YTHDF1: variants seen among roughly 807,000 people sequenced by gnomAD.
The protein encoded by YTHDF1 is YTH N6-methyladenosine RNA binding protein F1.
Under a neutral mutation model 49.1 loss-of-function variants are expected in YTHDF1, and 16 were observed. The observed-to-expected ratio is 0.33, with a 90% CI of 0.22 to 0.49. The LOEUF is 0.49. YTHDF1 is among the 20% of genes least tolerant of loss of function. The probability of loss-of-function intolerance (pLI) is 0.99; values close to 1 mark genes in which losing one functional copy is unlikely to be tolerated. For missense variants in YTHDF1, 621 were observed against 744.3 expected (o/e 0.83, Z 1.93); for synonymous variants, 313 against 290.1 (o/e 1.08, Z -0.80).
At position 63,215,586 on chromosome 20, in the gene YTHDF1, C is replaced by T. The variant is rs2066597887; in HGVS notation, c.43G>A (p.Asp15Asn). The T allele has an allele frequency of 9.3e-6, 15 of 1,612,896 alleles. No homozygotes were observed. Among genetic ancestry groups the T allele is most frequent in the Non-Finnish European group, 1.2e-5 (14 of 1,179,456 alleles). ...SVDTQRTKGQDNKVQNGSLHQ... is the reference protein window; with the variant it reads ...SVDTQRTKGQNNKVQNGSLHQ... ...CCGGGACTCCGCTCACCTTTATTATCTTGTCCTTTTGTTCTCTGCACCGCC... is the reference window on the plus strand; with the variant it reads ...CCGGGACTCCGCTCACCTTTATTATTTTGTCCTTTTGTTCTCTGCACCGCC... Residue 15 changes from aspartate (D) to asparagine (N), a missense_variant, in exon 2 of 5, where the codon GAT becomes AAT. Physicochemically the swap from Asp to Asn is conservative, Grantham distance 23. Transcript: ENST00000370339.
At chr20:63,206,001 T>TG (rs1202857288) in intron 3 of YTHDF1, among the ~76,000 whole-genome samples, 1 of 148,398 alleles carries the variant, frequency 6.7e-6, no homozygotes, top group Non-Finnish European at 1.5e-5. Context: ...GGTGCTGCCC[T>TG]GGCCAACAGG....
chr20:63,215,841 G>C, intron 1 of YTHDF1, 25 bp downstream of exon 1: 1 of 1,457,242 alleles, frequency 6.9e-7, no homozygotes. Flanking sequence ...CCCCGGCCGC[G>C]GCCCCTGTAA....
At chr20:63,211,481 G>A (rs1177580861) in intron 3 of YTHDF1, among the ~76,000 whole-genome samples, 1 of 152,092 alleles carries the variant, frequency 6.6e-6, no homozygotes, top group African/African-American at 2.4e-5. Context: ...AAAGGACCCA[G>A]AGCTATTGAT....
At chr20:63,213,788 A>T in intron 3 of YTHDF1, 76 bp downstream of exon 3, 1 of 1,330,156 alleles carries the variant, frequency 7.5e-7, no homozygotes, top group Admixed American at 2.2e-5. Context: ...TAATTTAAAA[A>T]TCAGAAATGA....
chr20:63,211,979 ACACACACAC>A (rs2066576663), intron 3 of YTHDF1, among the ~76,000 whole-genome samples: 1 of 117,878 alleles, frequency 8.5e-6, no homozygotes, highest in Non-Finnish European at 1.9e-5. Context: ...ACACACACAC[ACACACACAC>A]ACACACACAC....
At position 63,202,956 on chromosome 20, in the gene YTHDF1, C is replaced by G; in HGVS notation, c.984G>C (p.Trp328Cys). 5 of 1,614,002 alleles carry G rather than the reference C, an allele frequency of 3.1e-6. No individual in the cohort carries two copies. The highest frequency in any genetic ancestry group is 4.2e-6 in the Non-Finnish European group (5 of 1,180,042). ...QSPQQPPQTR[W>C]VAPRNRNAAF... ...CCGCGTTTCTGTTGCGTGGGGCAAC[C>G]CAGCGGGTCTGGGGTGGCTGCTGAG... Residue 328 changes from tryptophan to cysteine, a missense_variant, in exon 4 of 5, where the codon TGG (tryptophan) becomes TGC (cysteine). Coordinates refer to ENST00000370339, the MANE Select transcript of YTHDF1 (RefSeq NM_017798.4).
At chr20:63,206,136 A>G (rs2122982698) in intron 3 of YTHDF1, among the ~76,000 whole-genome samples, 1 of 152,344 alleles carries the variant, frequency 6.6e-6, no homozygotes, top group South Asian at 2.1e-4. Context: ...CAGGGAAGCC[A>G]GCCCTCCTCC....
At chr20:63,210,918 G>GC (rs1568994518) in intron 3 of YTHDF1, among the ~76,000 whole-genome samples, 1 of 152,182 alleles carries the variant, frequency 6.6e-6, no homozygotes, top group East Asian at 1.9e-4. Flanking sequence ...GGCTACAGTC[G>GC]CAAGCGCCTC....
chr20:63,203,208 T>A lies in YTHDF1; in HGVS notation c.732A>T (p.Pro244=), dbSNP rs752449696. ...CGCTCTTTGTTTTCATTTTAGGCTG[T>A]GGTTTTGCAGGCTTGCTGGCAATGG... ...WAAIASKPAK[P]QPKMKTKSGP... The change falls in exon 4 of 5, where the codon CCA becomes CCT. Residue 244 remains proline, a synonymous_variant. Coordinates refer to ENST00000370339, the MANE Select transcript of YTHDF1 (RefSeq NM_017798.4). The surrounding 1 kb of genome is among the most constrained non-coding windows in gnomAD (Gnocchi z 4.4). The A allele has an allele frequency of 6.2e-7, 1 of 1,614,012 alleles. No homozygotes were observed. Among genetic ancestry groups the A allele is most frequent in the South Asian group, 1.1e-5 (1 of 91,084 alleles).
At chr20:63,213,507 G>A (rs1330710436) in intron 3 of YTHDF1, among the ~76,000 whole-genome samples, 1 of 152,098 alleles carries the variant, frequency 6.6e-6, no homozygotes, top group Non-Finnish European at 1.5e-5. Flanking sequence ...TGCCTCCCCA[G>A]ACCACAATTC....
rs766071323 is a variant in YTHDF1, at chr20:63,203,121, G to C, written c.819C>G (p.Thr273=). 1 of 1,612,484 alleles carries C rather than the reference G, an allele frequency of 6.2e-7. No homozygotes were observed. The highest frequency in any genetic ancestry group is 1.7e-5 in the Admixed American group (1 of 59,954). Residue 273 remains threonine, a synonymous_variant, in exon 4 of 5, where the codon ACC becomes ACG. Coordinates refer to ENST00000370339, the MANE Select transcript of YTHDF1 (RefSeq NM_017798.4). The surrounding 1 kb of genome is among the most constrained non-coding windows in gnomAD (Gnocchi z 4.4). ...TCGGCACAGGCCCCTTGTTATCCCA[G>C]GTGCCAATGTCCATGTTATGCTTTA... is the stretch of plus-strand genomic sequence containing the variant. ...PPIKHNMDIG[T]WDNKGPVPKA...
At position 63,215,898 on chromosome 20, in the gene YTHDF1, A is replaced by G. The variant is rs1312101888; in HGVS notation, c.-6T>C. 1 of 1,434,088 alleles carries G rather than the reference A, an allele frequency of 7.0e-7. No individual in the cohort carries two copies. Among genetic ancestry groups the G allele is most frequent in the Admixed American group, 2.5e-5 (1 of 39,264 alleles). 88.8% of individuals were successfully genotyped at this position (1,434,088 alleles called of 1,614,324 possible). ...TCCACGCTGGTGGCCGACATGCTTC[A>G]TGAACAACTAGACGCGGGGCCGGGG... On this transcript the variant is annotated 5_prime_UTR_variant, in exon 1 of 5. An upstream start codon of the reference 5' UTR is lost. Transcript: ENST00000370339.
At chr20:63,209,445 T>A (rs558099552) in intron 3 of YTHDF1, among the ~76,000 whole-genome samples, 33 of 152,270 alleles carry the variant, frequency 2.2e-4, no homozygotes, top group African/African-American at 7.9e-4. Flanking sequence ...TTCTATTAAA[T>A]TTTTTTTAAC....
Position 63,202,821 on chromosome 20 carries a change from A to G in YTHDF1, c.1119T>C (p.Ala373=). 1 of 1,614,006 alleles carries G rather than the reference A, an allele frequency of 6.2e-7. No individual in the cohort carries two copies. Among genetic ancestry groups the G allele is most frequent in the African/African-American group, 1.3e-5 (1 of 75,074 alleles). The change falls in exon 4 of 5, where the codon GCT becomes GCC. Residue 373 remains alanine (A), a synonymous_variant. Transcript: ENST00000370339. ...ACTCTTTCGGGTTGTAGCTGTGAGCAGCCTTCAGTTTTTCAAGGACGGGGT... is the reference window on the plus strand; with the variant it reads ...ACTCTTTCGGGTTGTAGCTGTGAGCGGCCTTCAGTTTTTCAAGGACGGGGT... The part of the protein sequence containing the change: ...ESHPVLEKLK[A]AHSYNPKEFE...
At position 63,202,562 on chromosome 20, in the gene YTHDF1, T is replaced by C. The variant is rs1387913153; in HGVS notation, c.1378A>G (p.Thr460Ala). 1 of 1,614,238 alleles carries C rather than the reference T, an allele frequency of 6.2e-7. No homozygotes were observed. The highest frequency in any genetic ancestry group is 8.5e-7 in the Non-Finnish European group (1 of 1,180,054). The change falls in exon 4 of 5, where the codon ACC (threonine) becomes GCC (alanine). Residue 460 changes from threonine to alanine, a missense_variant. Coordinates refer to ENST00000370339, the MANE Select transcript of YTHDF1 (RefSeq NM_017798.4). ...AEMKSPVDYG[T>A]SAGVWSQDKW... ...TCCTGAGACCAGACCCCGGCACTGG[T>C]GCCGTAGTCCACGGGGGACTTCATC... is the stretch of plus-strand genomic sequence containing the variant.
intron 4 of YTHDF1, 93 bp downstream of exon 4, chr20:63,202,192 GGA>G: frequency 6.8e-7 from 1 of 1,481,078 alleles, no homozygotes; most frequent in Non-Finnish European, 9.0e-7. Context: ...TCAGCTCGGC[GGA>G]CCTGCCGCAT....
In YTHDF1 at chr20:63,213,851, A is replaced by G. The variant is rs543996957; in HGVS notation, c.132+13T>C. On this transcript the variant is annotated intron_variant, in intron 3 of 4. Coordinates refer to ENST00000370339, the MANE Select transcript of YTHDF1 (RefSeq NM_017798.4). The stretch of plus-strand genomic sequence containing the variant: ...AACTTAAAAACAAATATATGCTAAC[A>G]AAATAAACTCACCTGATTTGACTGT... The G allele has an allele frequency of 7.6e-4, 1,219 of 1,600,424 alleles. 27 individuals carry two copies. In the South Asian group the frequency reaches 0.013, roughly 17 times the overall value.
chr20:63,216,061 G>A lies in YTHDF1; in HGVS notation c.-169C>T. 2.5e-6 allele frequency: 1 copy of A among 392,534 alleles called. No individual in the cohort carries two copies. Among genetic ancestry groups the A allele is most frequent in the Non-Finnish European group, 3.5e-6 (1 of 289,470 alleles). 24.3% of individuals were successfully genotyped at this position (392,534 alleles called of 1,614,324 possible). A position where few individuals can be genotyped will look rare whatever the true frequency, so the allele number is the denominator to read the frequency against. On this transcript the variant is annotated 5_prime_UTR_variant, in exon 1 of 5. Coordinates refer to ENST00000370339, the MANE Select transcript of YTHDF1 (RefSeq NM_017798.4). Reference sequence around the variant, plus strand: ...GGGCGCGCGGGCCCCTGGCGAGGCGGCAGCGGCGGTGAGCCCGGGACGCGG... The same window carrying A: ...GGGCGCGCGGGCCCCTGGCGAGGCGACAGCGGCGGTGAGCCCGGGACGCGG...
intron 4 of YTHDF1, among the ~76,000 whole-genome samples, chr20:63,201,947 T>C (rs141531542): frequency 5.5e-4 from 83 of 152,280 alleles, no homozygotes; most frequent in African/African-American, 1.9e-3. Flanking sequence ...AGTATCACAA[T>C]TCAAAAAGGA....
Sources: allele counts gnomAD v4.1 joint callset (sites outside exome capture counted in the v4.1 genomes callset), GRCh38; gene constraint gnomAD v4.1.1; non-coding constraint Gnocchi (gnomAD v3.1); transcripts MANE v1.5; gene names NCBI Gene and HGNC (gene_info 2026-07-23, HGNC 2026-07-21).